NCBP3: variants seen among roughly 807,000 people sequenced by gnomAD.
NCBP3 encodes the protein nuclear cap-binding protein subunit 3.
Under a neutral mutation model 75.7 loss-of-function variants are expected in NCBP3, and 20 were observed. The ratio of observed to expected loss-of-function variants is 0.26; its 90% CI spans 0.19 to 0.38. NCBP3 has a LOEUF of 0.38. Ranked by LOEUF, NCBP3 falls within the 10% of genes least tolerant of loss-of-function variation. The pLI is 1.00. For synonymous variants in NCBP3, 293 were observed against 290.5 expected (o/e 1.01, Z -0.09); for missense variants, 678 against 796.9 (o/e 0.85, Z 1.80).
At chr17:3,828,900 A>T (rs1474971445) in intron 4 of NCBP3, among the ~76,000 whole-genome samples, 1 of 152,152 alleles carries the variant, frequency 6.6e-6, no homozygotes, top group Non-Finnish European at 1.5e-5. Context: ...GGCTCTGAAA[A>T]TGCAGCCCCA....
At chr17:3,816,058 C>A in intron 11 of NCBP3, 58 bp downstream of exon 11, 1 of 1,547,466 alleles carries the variant, frequency 6.5e-7, no homozygotes, top group Non-Finnish European at 8.8e-7. Context: ...CCTCTCTCTG[C>A]CCCAGTCTGC....
rs1478806358 is a variant in NCBP3, at chr17:3,826,182, G to T, written c.515C>A (p.Thr172Lys). 1 of 1,550,926 alleles carries T rather than the reference G, an allele frequency of 6.4e-7. No individual in the cohort carries two copies. The highest frequency in any genetic ancestry group is 8.7e-7 in the Non-Finnish European group (1 of 1,146,594). The change falls in exon 5 of 13, where the codon ACA becomes AAA. Residue 172 changes from threonine to lysine, a missense_variant. Thr to Lys is a moderately conservative substitution (Grantham distance 78, BLOSUM62 -1). This residue lies in a region of NCBP3 where 98 missense variants were observed against 101.8 expected (regional missense o/e 0.96). Transcript: ENST00000389005. Reference sequence around the variant, plus strand: ...GGAGCTCATATTGATAAGTGCTCGTGTGGCTGTCATTTCATCCAGCCAAAC... The same window carrying T: ...GGAGCTCATATTGATAAGTGCTCGTTTGGCTGTCATTTCATCCAGCCAAAC... ...NVVWLDEMTA[T>K]RALINMSSLP...
chr17:3,803,472 G>C lies in NCBP3; in HGVS notation c.*9572C>G, dbSNP rs2053298915. The C allele has an allele frequency of 6.6e-6, 1 of 152,210 alleles. No individual in the cohort carries two copies. The highest frequency in any genetic ancestry group is 2.4e-5 in the African/African-American group (1 of 41,428). The allele number at this position is 152,210 out of a possible 1,614,324, so 9.4% of individuals were successfully genotyped here. On this transcript the variant is annotated 3_prime_UTR_variant, in exon 13 of 13. Coordinates refer to ENST00000389005, the MANE Select transcript of NCBP3 (RefSeq NM_001114118.3). ...AGAATATTACACATTTCCTGAATTT[G>C]AGAACTGTACCATGGGCATGTGAGA... is the stretch of plus-strand genomic sequence containing the variant.
intron 12 of NCBP3, 96 bp from the exon 13 acceptor site, chr17:3,813,375 G>A (rs2053461111): frequency 7.0e-7 from 1 of 1,435,326 alleles, no homozygotes; most frequent in South Asian, 1.3e-5. Context: ...TGCTGTGCAG[G>A]AAACGCCAGC....
intron 3 of NCBP3, among the ~76,000 whole-genome samples, chr17:3,839,654 T>G (rs1440860464): frequency 2.6e-5 from 4 of 152,188 alleles, no homozygotes; most frequent in Non-Finnish European, 5.9e-5. Context: ...GGCCAATAGA[T>G]TCAGATTATC....
At position 3,812,810 on chromosome 17, in the gene NCBP3, G is replaced by C; in HGVS notation, c.*234C>G. ...TTTTTCTCAAAGGGTAAAGCCTGTGGGGTGGTGGGAAAGGAATCGAGGGCC... is the reference window on the plus strand; with the variant it reads ...TTTTTCTCAAAGGGTAAAGCCTGTGCGGTGGTGGGAAAGGAATCGAGGGCC... On this transcript the variant is annotated 3_prime_UTR_variant, in exon 13 of 13. Transcript: ENST00000389005. The C allele has an allele frequency of 7.3e-7, 1 of 1,371,156 alleles. No individual in the cohort carries two copies. Among genetic ancestry groups the C allele is most frequent in the Non-Finnish European group, 9.4e-7 (1 of 1,060,990 alleles). The allele number at this position is 1,371,156 out of a possible 1,614,324, so 84.9% of individuals were successfully genotyped here.
At chr17:3,813,391 G>A in intron 12 of NCBP3, 112 bp from the exon 13 acceptor site, 2 of 1,315,132 alleles carry the variant, frequency 1.5e-6, no homozygotes, top group South Asian at 2.7e-5. Context: ...CCAGCAGTCT[G>A]TGGAGCCTGC....
chr17:3,834,640 T>C (rs1334824636), intron 3 of NCBP3, among the ~76,000 whole-genome samples: 2 of 152,222 alleles, frequency 1.3e-5, no homozygotes, highest in African/African-American at 4.8e-5. Context: ...CCAGGCGTTG[T>C]GGCTCATGCC....
At chr17:3,828,496 G>A (rs2053825058) in intron 4 of NCBP3, among the ~76,000 whole-genome samples, 1 of 152,138 alleles carries the variant, frequency 6.6e-6, no homozygotes. Context: ...TCCTACGAGA[G>A]CAGCTAAGAA....
rs2053454036 is a variant in NCBP3 at position 3,813,146 on chromosome 17, C to T, written c.1761G>A (p.Glu587=). The part of the protein sequence containing the change: ...LQRAWGALIK[E]KEQSRQKKSR... ...TCTTCTTTTGGCGAGACTGCTCTTT[C>T]TCCTTAATCAGAGCCCCCCATGCCC... Residue 587 remains glutamate, a synonymous_variant, in exon 13 of 13, where the codon GAG becomes GAA. Transcript: ENST00000389005. The T allele has an allele frequency of 6.2e-7, 1 of 1,614,132 alleles. No homozygotes were observed. The highest frequency in any genetic ancestry group is 1.3e-5 in the African/African-American group (1 of 74,934).
At chr17:3,824,288 A>G (rs572276667) in intron 7 of NCBP3, 2 of 152,234 alleles carry the variant, frequency 1.3e-5, no homozygotes, top group East Asian at 3.9e-4. Context: ...CTCTCAAATG[A>G]TTAAAAAAAC....
At chr17:3,814,238 T>A in intron 12 of NCBP3, 84 bp downstream of exon 12, 1 of 1,426,302 alleles carries the variant, frequency 7.0e-7, no homozygotes, top group East Asian at 2.3e-5. Context: ...TCTTGCCTTC[T>A]GCTAAGAAAG....
chr17:3,838,661 G>A (rs1010561139), intron 3 of NCBP3, among the ~76,000 whole-genome samples: 3 of 152,210 alleles, frequency 2.0e-5, no homozygotes, highest in African/African-American at 4.8e-5. Context: ...TAAGGGCAAG[G>A]CTCTAGAGTC....
chr17:3,821,500 G>A (rs1402497131), intron 8 of NCBP3, 148 bp from the exon 9 acceptor site: 3 of 618,484 alleles, frequency 4.9e-6, no homozygotes, highest in African/African-American at 3.7e-5. Flanking sequence ...TCAGCTCACT[G>A]CAACCTTTGC....
chr17:3,829,038 C>T (rs1177244412), intron 4 of NCBP3, among the ~76,000 whole-genome samples: 3 of 152,122 alleles, frequency 2.0e-5, no homozygotes, highest in Non-Finnish European at 4.4e-5. Flanking sequence ...TCTCAGCTGA[C>T]GTGGGACACT....
At chr17:3,814,138 C>T (rs1043980935) in intron 12 of NCBP3, among the ~76,000 whole-genome samples, 184 bp downstream of exon 12, 4 of 152,142 alleles carry the variant, frequency 2.6e-5, no homozygotes, top group South Asian at 2.1e-4. Flanking sequence ...ATTTTCTAAG[C>T]GTTCCTAACT....
At position 3,829,202 on chromosome 17, in the gene NCBP3, A is replaced by C. The variant is rs755142593; in HGVS notation, c.481+41T>G. 14 of 1,547,304 alleles carry C rather than the reference A, an allele frequency of 9.0e-6. No homozygotes were observed. In the South Asian group the frequency reaches 1.7e-4, roughly 18 times the overall value. On this transcript the variant is annotated intron_variant, in intron 4 of 12. Transcript: ENST00000389005. ...TGATGGCAAGAACTCTTGAAAAATC[A>C]TCAACAAAAGCATATTCACAGGAAA...
chr17:3,814,110 A>G (rs1380919575), intron 12 of NCBP3, among the ~76,000 whole-genome samples: 1 of 152,240 alleles, frequency 6.6e-6, no homozygotes, highest in Non-Finnish European at 1.5e-5. Context: ...AAGAGCCAGG[A>G]GTGTGCTATT....
chr17:3,843,179 T>A (rs1227548539), intron 1 of NCBP3, 28 bp from the exon 2 acceptor site: 7 of 1,541,850 alleles, frequency 4.5e-6, no homozygotes, highest in African/African-American at 1.4e-5. Context: ...GGTGAGAAAT[T>A]CAGACAGCAA....
Sources: gnomAD v4.1 joint callset for allele counts (sites outside exome capture counted in the v4.1 genomes callset) on GRCh38, gnomAD v4.1.1 for gene constraint, gnomAD v4.1.1 regional missense constraint, MANE v1.5 for transcripts, NCBI Gene and HGNC (gene_info 2026-07-23, HGNC 2026-07-21) for gene names.